AKAP6: variants seen among roughly 807,000 people sequenced by gnomAD.
AKAP6 encodes A-kinase anchoring protein 6.
Under a neutral mutation model 188.5 loss-of-function variants are expected in AKAP6, and 58 were observed. The observed-to-expected ratio is 0.31, with a 90% CI of 0.25 to 0.38. The LOEUF (loss-of-function observed/expected upper bound fraction) is 0.38, where lower values mean the gene tolerates loss of function less well. Among genes scored for constraint, AKAP6 ranks in the 10% least tolerant of loss-of-function variants. AKAP6 has a pLI of 1.00. For synonymous variants in AKAP6, 989 were observed against 998.6 expected (o/e 0.99, Z 0.18); for missense variants, 2,710 against 2,740.0 (o/e 0.99, Z 0.24).
chr14:32,599,415 T>A lies in AKAP6; in HGVS notation c.2475T>A (p.Phe825Leu), dbSNP rs1885832953. The A allele has an allele frequency of 6.2e-7, 1 of 1,611,916 alleles. No individual in the cohort carries two copies. The highest frequency in any genetic ancestry group is 8.5e-7 in the Non-Finnish European group (1 of 1,178,858). Residue 825 changes from phenylalanine to leucine, a missense_variant, in exon 6 of 14, where the codon TTT becomes TTA. This residue lies in a region of AKAP6 where 2,473 missense variants were observed against 2,426.1 expected (regional missense o/e 1.02). Transcript: ENST00000280979. ...LKLYLETHLS[F>L]KLNVDSHCAL... is the part of the protein sequence containing the mutation. ...GTTCATATTTTTCCTTGCAGAGTTT[T>A]AAGTTGAATGTAGACAGTCATTGTG... is the stretch of plus-strand genomic sequence containing the variant.
At chr14:32,770,464 C>A (rs1354385869) in intron 11 of AKAP6, among the ~76,000 whole-genome samples, 1 of 152,116 alleles carries the variant, frequency 6.6e-6, no homozygotes, top group Non-Finnish European at 1.5e-5. Context: ...CCAACATGAT[C>A]TCATTAGATA....
At chr14:32,368,967 T>C (rs180832326) in intron 1 of AKAP6, among the ~76,000 whole-genome samples, 123 of 152,028 alleles carry the variant, frequency 8.1e-4, no homozygotes, top group African/African-American at 2.8e-3. Context: ...AGTGATGTGG[T>C]TAGAATCATA....
intron 2 of AKAP6, among the ~76,000 whole-genome samples, chr14:32,510,414 GTATATATATACA>G (rs1566546543): frequency 7.7e-4 from 87 of 112,286 alleles, no homozygotes; most frequent in African/African-American, 2.9e-3. Context: ...GTATATATAT[GTATATATATACA>G]TATATATATG....
Position 32,824,221 on chromosome 14 carries a change from A to T in AKAP6, c.6408A>T (p.Pro2136=). Residue 2136 remains proline, a synonymous_variant, in exon 13 of 14, where the codon CCA becomes CCT. Transcript: ENST00000280979. ...ACATAGAAGAGAAAAGCAGCACTCC[A>T]TTGCCACTAGACACCACTGACTCGG... ...TNYIEEKSST[P]LPLDTTDSGL... The T allele has an allele frequency of 6.2e-7, 1 of 1,613,980 alleles. No individual in the cohort carries two copies. The highest frequency in any genetic ancestry group is 8.5e-7 in the Non-Finnish European group (1 of 1,179,936).
intron 9 of AKAP6, among the ~76,000 whole-genome samples, chr14:32,724,123 T>G (rs150122245): frequency 6.6e-6 from 1 of 152,318 alleles, no homozygotes; most frequent in East Asian, 1.9e-4. Context: ...ACTGCTACAT[T>G]TAGGTATTTG....
chr14:32,776,422 T>G (rs1205144870), intron 12 of AKAP6, among the ~76,000 whole-genome samples: 1 of 152,202 alleles, frequency 6.6e-6, no homozygotes, highest in Non-Finnish European at 1.5e-5. Flanking sequence ...GCCTTTTGCC[T>G]TCCACCATGA....
At chr14:32,573,945 C>G (rs1227241824) in intron 4 of AKAP6, among the ~76,000 whole-genome samples, 1 of 152,146 alleles carries the variant, frequency 6.6e-6, no homozygotes, top group Admixed American at 6.5e-5. Flanking sequence ...ACACTGTCCA[C>G]TGTACACAGA....
At chr14:32,492,413 T>C (rs1324530341) in intron 2 of AKAP6, among the ~76,000 whole-genome samples, 1 of 149,666 alleles carries the variant, frequency 6.7e-6, no homozygotes, top group Non-Finnish European at 1.5e-5. Context: ...TATATATATA[T>C]ACCTCACATA....
chr14:32,511,542 A>C (rs923988632), intron 2 of AKAP6, among the ~76,000 whole-genome samples: 10 of 151,878 alleles, frequency 6.6e-5, no homozygotes, highest in African/African-American at 2.2e-4. Context: ...CGCCTGGCTA[A>C]TTTTTGTATT....
At chr14:32,380,608 A>G (rs1030229160) in intron 1 of AKAP6, among the ~76,000 whole-genome samples, 8 of 152,210 alleles carry the variant, frequency 5.3e-5, no homozygotes, top group African/African-American at 9.7e-5. Flanking sequence ...TTCCTTCAAG[A>G]GGCATATAGA....
At chr14:32,678,692 G>T (rs574267470) in intron 8 of AKAP6, among the ~76,000 whole-genome samples, 1 of 152,236 alleles carries the variant, frequency 6.6e-6, no homozygotes, top group South Asian at 2.1e-4. Context: ...TTAAAATACA[G>T]CGTTGTGATT....
Position 32,546,633 on chromosome 14 carries a change from A to T in AKAP6, c.1980A>T (p.Gly660=), listed in dbSNP as rs755734873. 6.2e-7 allele frequency: 1 copy of T among 1,614,182 alleles called. No homozygotes were observed. Among genetic ancestry groups the T allele is most frequent in the East Asian group, 2.2e-5 (1 of 44,880 alleles). The change falls in exon 4 of 14, where the codon GGA becomes GGT. Residue 660 remains glycine, a synonymous_variant. Transcript: ENST00000280979. ...LTKLLPQKPR[G]ETIQNIDDWE... ...AGCTTCTGCCTCAGAAACCCAGAGG[A>T]GAAACCATCCAGAATATTGATGACT...
chr14:32,543,530 A>G (rs1883057725), intron 3 of AKAP6, among the ~76,000 whole-genome samples: 1 of 152,200 alleles, frequency 6.6e-6, no homozygotes, highest in South Asian at 2.1e-4. Flanking sequence ...TCTCTTTGAC[A>G]TGCTGATTTC....
intron 12 of AKAP6, among the ~76,000 whole-genome samples, chr14:32,776,289 G>C (rs1208299728): frequency 1.3e-5 from 2 of 152,122 alleles, no homozygotes; most frequent in Non-Finnish European, 2.9e-5. Flanking sequence ...TGAATCATGG[G>C]GGTGGTTTCC....
chr14:32,634,419 A>G (rs1447232991), intron 7 of AKAP6, among the ~76,000 whole-genome samples: 1 of 151,948 alleles, frequency 6.6e-6, no homozygotes. Flanking sequence ...TTTGAGTTCA[A>G]AGTTTATTTC....
chr14:32,784,264 C>G (rs2033337423), intron 12 of AKAP6, among the ~76,000 whole-genome samples: 1 of 152,102 alleles, frequency 6.6e-6, no homozygotes, highest in East Asian at 1.9e-4. Context: ...CATGGGAATT[C>G]TTATTAAATT....
intron 7 of AKAP6, among the ~76,000 whole-genome samples, chr14:32,630,541 A>T (rs903274565): frequency 3.3e-5 from 5 of 152,094 alleles, no homozygotes; most frequent in Admixed American, 1.3e-4. Flanking sequence ...ATACTTTTGG[A>T]CCAGAGAGAA....
intron 1 of AKAP6, among the ~76,000 whole-genome samples, chr14:32,402,559 T>C (rs182102884): frequency 6.6e-6 from 1 of 152,332 alleles, no homozygotes; most frequent in Non-Finnish European, 1.5e-5. Flanking sequence ...GATATTTCTT[T>C]TGAGTGCCTG....
At position 32,830,207 on chromosome 14, in the gene AKAP6, C is replaced by T. The variant is rs1314001602; in HGVS notation, c.*402C>T. 1.4e-5 allele frequency: 6 copies of T among 440,110 alleles called. No homozygotes were observed. The highest frequency in any genetic ancestry group is 1.6e-5 in the Non-Finnish European group (4 of 248,062). The allele number at this position is 440,110 out of a possible 1,614,324, so 27.3% of individuals were successfully genotyped here. On this transcript the variant is annotated 3_prime_UTR_variant, in exon 14 of 14. Transcript: ENST00000280979. ...CATTAAATTCTCCTGTCTAGAATGA[C>T]CCCCCCACCAGTACTTGACCAATTT... is the stretch of plus-strand genomic sequence containing the variant.
Sources: gnomAD v4.1 joint callset for allele counts (sites outside exome capture counted in the v4.1 genomes callset) on GRCh38, gnomAD v4.1.1 for gene constraint, gnomAD v4.1.1 regional missense constraint, MANE v1.5 for transcripts, NCBI Gene and HGNC (gene_info 2026-07-23, HGNC 2026-07-21) for gene names.